Variants in TOR1A observed in about 807,000 individuals in gnomAD.
TOR1A encodes torsin family 1 member A.
Under a neutral mutation model 31.4 loss-of-function variants are expected in TOR1A, and 18 were observed. The observed-to-expected ratio is 0.57, with a 90% CI of 0.40 to 0.85. The LOEUF (loss-of-function observed/expected upper bound fraction) is 0.85. Among genes scored for constraint, TOR1A ranks in the 40% least tolerant of loss-of-function variants. TOR1A has a pLI of 0.00. For synonymous variants in TOR1A, 168 were observed against 165.9 expected (o/e 1.01, Z -0.10); for missense variants, 375 against 416.4 (o/e 0.90, Z 0.87).
At chr9:129,819,766 T>A (rs1430455097) in intron 2 of TOR1A, among the ~76,000 whole-genome samples, 15 of 134,192 alleles carry the variant, frequency 1.1e-4, no homozygotes, top group Admixed American at 2.9e-4. Context: ...AAAAAAAAAA[T>A]ACAAAAATTA....
At chr9:129,818,321 A>G in intron 4 of TOR1A, 199 bp downstream of exon 4, 1 of 760,254 alleles carries the variant, frequency 1.3e-6, no homozygotes, top group Non-Finnish European at 2.2e-6. Context: ...ATAAAACAGC[A>G]CTTGTCAAAC....
At chr9:129,818,716 C>T (rs763513268) in intron 3 of TOR1A, 29 bp downstream of exon 3, 13 of 1,613,700 alleles carry the variant, frequency 8.1e-6, no homozygotes, top group South Asian at 1.1e-5. Context: ...GCTCGGGGCC[C>T]ATCCATCATG....
Position 129,822,738 on chromosome 9 carries a change from A to T in TOR1A, c.287T>A (p.Leu96His). ...FINNPKPKKP[L>H]TLSLHGWTGT... The stretch of plus-strand genomic sequence containing the variant: ...TGTCCACCCGTGCAGGGAGAGCGTG[A>T]GAGGTTTCTTGGGCTTTGGGTTGTT... Residue 96 changes from leucine to histidine, a missense_variant, in exon 2 of 5, where the codon CTC becomes CAC. Coordinates refer to ENST00000351698, the MANE Select transcript of TOR1A (RefSeq NM_000113.3). The T allele has an allele frequency of 1.9e-6, 3 of 1,614,170 alleles. No homozygotes were observed. The highest frequency in any genetic ancestry group is 2.5e-6 in the Non-Finnish European group (3 of 1,180,026).
In TOR1A at chr9:129,822,709, T is replaced by C; in HGVS notation, c.316A>G (p.Thr106Ala). 1 of 1,614,220 alleles carries C rather than the reference T, an allele frequency of 6.2e-7. No individual in the cohort carries two copies. Residue 106 changes from threonine to alanine, a missense_variant, in exon 2 of 5, where the codon ACC (threonine) becomes GCC (alanine). Thr to Ala is a moderately conservative substitution (Grantham distance 58, BLOSUM62 0). Coordinates refer to ENST00000351698, the MANE Select transcript of TOR1A (RefSeq NM_000113.3). ...LTLSLHGWTG[T>A]GKNFVSKIIA... is the part of the protein sequence containing the mutation. ...ATCTTGCTGACGAAATTTTTGCCGG[T>C]GCCTGTCCACCCGTGCAGGGAGAGC...
At chr9:129,814,723 G>A (rs1478851911) in intron 4 of TOR1A, among the ~76,000 whole-genome samples, 1 of 151,502 alleles carries the variant, frequency 6.6e-6, no homozygotes, top group Non-Finnish European at 1.5e-5. Flanking sequence ...CAGAGAGGCA[G>A]AGTGGGGAAG....
At chr9:129,823,864 A>C in intron 1 of TOR1A, 44 bp downstream of exon 1, 14 of 1,512,296 alleles carry the variant, frequency 9.3e-6, no homozygotes, top group Middle Eastern at 2.3e-4. Flanking sequence ...GCCATCGCCC[A>C]GCCCCAGCCC....
chr9:129,815,477 T>G (rs1050650104), intron 4 of TOR1A, among the ~76,000 whole-genome samples: 6 of 152,162 alleles, frequency 3.9e-5, no homozygotes, highest in Non-Finnish European at 8.8e-5. Flanking sequence ...GTGCTTGGAG[T>G]GGCGAATGCC....
Position 129,813,557 on chromosome 9 carries a change from ACACAC to A in TOR1A, c.*410_*414del, listed in dbSNP as rs1470857412. 1 of 293,874 alleles carries A rather than the reference ACACAC, an allele frequency of 3.4e-6. No homozygotes were observed. Among genetic ancestry groups the A allele is most frequent in the Non-Finnish European group, 6.6e-6 (1 of 152,080 alleles). The allele number at this position is 293,874 out of a possible 1,614,324, so 18.2% of individuals were successfully genotyped here. On this transcript the variant is annotated 3_prime_UTR_variant, in exon 5 of 5. Transcript: ENST00000351698. ...AATAATGATGAGAACTTAAAAAAAA[ACACAC>A]ACACAAGGCCAACAACTTAGAATCT...
chr9:129,823,592 T>A, intron 1 of TOR1A: 1 of 298,244 alleles, frequency 3.4e-6, no homozygotes. Context: ...TCCCCCAGCC[T>A]CCATCCACCA....
rs916510780 is a variant in TOR1A at position 129,813,736 on chromosome 9, C to T, written c.*236G>A. ...AGCCCTGCGATGAGTGGGCTGGGAG[C>T]TGGCTCCTTCCTTCTGTGCGTGTTC... is the stretch of plus-strand genomic sequence containing the variant. On this transcript the variant is annotated 3_prime_UTR_variant, in exon 5 of 5. Transcript: ENST00000351698. 1 of 602,212 alleles carries T rather than the reference C, an allele frequency of 1.7e-6. No individual in the cohort carries two copies. The allele number at this position is 602,212 out of a possible 1,614,324, so 37.3% of individuals were successfully genotyped here. A position where few individuals can be genotyped will look rare whatever the true frequency, so the allele number is the denominator to read the frequency against.
chr9:129,816,376 T>C (rs1405114042), intron 4 of TOR1A, among the ~76,000 whole-genome samples: 1 of 152,202 alleles, frequency 6.6e-6, no homozygotes, highest in Non-Finnish European at 1.5e-5. Context: ...GGGGGAAAGA[T>C]ATCTATATGT....
rs762543866 is a variant in TOR1A, at chr9:129,824,124, C to A, written c.-39G>T. ...CCACCCTGCTTGTTCTCGCGCCGACCGCGAACCGGTGCAGCCGCCAGACCC... is the reference window on the plus strand; with the variant it reads ...CCACCCTGCTTGTTCTCGCGCCGACAGCGAACCGGTGCAGCCGCCAGACCC... On this transcript the variant is annotated 5_prime_UTR_variant, in exon 1 of 5. Coordinates refer to ENST00000351698, the MANE Select transcript of TOR1A (RefSeq NM_000113.3). The A allele has an allele frequency of 5.5e-5, 84 of 1,538,996 alleles. No homozygotes were observed. Among genetic ancestry groups the A allele is most frequent in the South Asian group, 4.5e-4 (38 of 84,370 alleles).
rs144250639 is a variant in TOR1A at position 129,823,929 on chromosome 9, T to G, written c.157A>C (p.Lys53Gln). The change falls in exon 1 of 5, where the codon AAG becomes CAG. Residue 53 changes from lysine (K) to glutamine (Q), a missense_variant. By Grantham distance (53) the Lys-to-Gln change is moderately conservative. Coordinates refer to ENST00000351698, the MANE Select transcript of TOR1A (RefSeq NM_000113.3). The part of the protein sequence containing the change: ...YCLFAECCGQ[K>Q]RSLSREALQK... ...CTACCCTCCCGGCTAAGGCTCCGCT[T>G]CTGCCCGCAGCACTCGGCGAAGAGG... 2.5e-6 allele frequency: 4 copies of G among 1,607,048 alleles called. No individual in the cohort carries two copies. The highest frequency in any genetic ancestry group is 3.4e-6 in the Non-Finnish European group (4 of 1,177,852).
chr9:129,813,528 A>G lies in TOR1A; in HGVS notation c.*444T>C, dbSNP rs939305604. ...TTCCAGTAAAGATACATCACAGTCT[A>G]TGTAATAATGATGAGAACTTAAAAA... On this transcript the variant is annotated 3_prime_UTR_variant, in exon 5 of 5. Coordinates refer to ENST00000351698, the MANE Select transcript of TOR1A (RefSeq NM_000113.3). 6 of 301,044 alleles carry G rather than the reference A, an allele frequency of 2.0e-5. No individual in the cohort carries two copies. Among genetic ancestry groups the G allele is most frequent in the Non-Finnish European group, 2.6e-5 (4 of 155,974 alleles). The allele number at this position is 301,044 out of a possible 1,614,324, so 18.6% of individuals were successfully genotyped here.
At chr9:129,818,198 G>A (rs150377307) in intron 4 of TOR1A, 8,042 of 398,398 alleles carry the variant, frequency 0.02, 221 homozygotes, top group South Asian at 0.067. Context: ...AGCTACTCAG[G>A]AGGCTGAGGC....
At chr9:129,823,714 CAG>C (rs2031249593) in intron 1 of TOR1A, 192 bp downstream of exon 1, 9 of 351,002 alleles carry the variant, frequency 2.6e-5, no homozygotes, top group South Asian at 1.1e-4. Flanking sequence ...GCCCCAGCCC[CAG>C]CCCCAACCCG....
chr9:129,816,357 C>T (rs938155528), intron 4 of TOR1A, among the ~76,000 whole-genome samples: 1 of 152,152 alleles, frequency 6.6e-6, no homozygotes, highest in Non-Finnish European at 1.5e-5. Flanking sequence ...TTTTCCCCTA[C>T]TGGCCCCGGG....
intron 4 of TOR1A, among the ~76,000 whole-genome samples, chr9:129,816,052 C>T (rs2031029403): frequency 6.6e-6 from 1 of 152,054 alleles, no homozygotes; most frequent in Admixed American, 6.5e-5. Flanking sequence ...ACTCAAGGTT[C>T]ACCATGGCCC....
chr9:129,813,713 C>T lies in TOR1A; in HGVS notation c.*259G>A, dbSNP rs1336141708. 1.7e-6 allele frequency: 1 copy of T among 576,200 alleles called. No homozygotes were observed. Among genetic ancestry groups the T allele is most frequent in the Non-Finnish European group, 3.1e-6 (1 of 322,218 alleles). 35.7% of individuals were successfully genotyped at this position (576,200 alleles called of 1,614,324 possible). On this transcript the variant is annotated 3_prime_UTR_variant, in exon 5 of 5. Transcript: ENST00000351698. ...AACATAATTTGTAAAAAATCATGAG[C>T]CCTGCGATGAGTGGGCTGGGAGCTG... is the stretch of plus-strand genomic sequence containing the variant.
Sources: gnomAD v4.1 joint callset for allele counts (sites outside exome capture counted in the v4.1 genomes callset) on GRCh38, gnomAD v4.1.1 for gene constraint, MANE v1.5 for transcripts, NCBI Gene and HGNC (gene_info 2026-07-23, HGNC 2026-07-21) for gene names.